Variants in DYNC1I1 observed in about 807,000 individuals in gnomAD.
DYNC1I1 encodes dynein cytoplasmic 1 intermediate chain 1.
DYNC1I1 carries 43 observed loss-of-function variants against 86.6 expected under a neutral mutation model. That is an observed-to-expected ratio of 0.50 (90% confidence interval 0.39 to 0.64). DYNC1I1 has a LOEUF of 0.64. Among genes scored for constraint, DYNC1I1 ranks in the 30% least tolerant of loss-of-function variants. The pLI is 0.00. For missense variants in DYNC1I1, 604 were observed against 788.8 expected, an observed-to-expected ratio of 0.77 and a Z score of 2.81; for synonymous variants, 262 against 283.7, an observed-to-expected ratio of 0.92 and a Z score of 0.77.
At position 95,925,358 on chromosome 7, in the gene DYNC1I1, A is replaced by G. The variant is rs1791716298; in HGVS notation, c.491-52154A>G. Among the ~76,000 whole-genome samples, 2 of 152,176 alleles carry G rather than the reference A, an allele frequency of 1.3e-5. 1 individual carries two copies. Among genetic ancestry groups the G allele is most frequent in the South Asian group, 4.1e-4 (2 of 4,834 alleles). On this transcript the variant is annotated intron_variant, in intron 6 of 16. Transcript: ENST00000447467. ...AATGGGTTGTCTGAATGTTTTTCCC[A>G]GCCCTGTTGGAAATGATTGAGGCAT...
At chr7:95,902,100 C>T (rs556048325) in intron 6 of DYNC1I1, among the ~76,000 whole-genome samples, 67 of 152,248 alleles carry the variant, frequency 4.4e-4, no homozygotes, top group African/African-American at 1.5e-3. Context: ...TATTTAAGGG[C>T]GGCTCTAAAG....
chr7:96,063,525 T>C (rs1235321189), intron 14 of DYNC1I1, among the ~76,000 whole-genome samples: 1 of 152,196 alleles, frequency 6.6e-6, no homozygotes, highest in South Asian at 2.1e-4. Context: ...TGGTTTCCTC[T>C]GAAGCCTCTC....
chr7:96,030,818 C>T (rs532658774), intron 11 of DYNC1I1, among the ~76,000 whole-genome samples: 23 of 152,198 alleles, frequency 1.5e-4, no homozygotes, highest in African/African-American at 5.3e-4. Flanking sequence ...CTTGATAATA[C>T]ACTGCCTGGG....
intron 6 of DYNC1I1, among the ~76,000 whole-genome samples, chr7:95,932,563 G>A (rs1195955685): frequency 6.6e-6 from 1 of 152,210 alleles, no homozygotes; most frequent in Non-Finnish European, 1.5e-5. Flanking sequence ...GACCCCGCCT[G>A]AGAAAATGTC....
At position 95,946,425 on chromosome 7, in the gene DYNC1I1, T is replaced by C. The variant is rs370076883; in HGVS notation, c.491-31087T>C. Reference sequence around the variant, plus strand: ...GGAAAAGCACATAAGCATGATGATATGAGGTGCTGAAGTAAACATGTAGAT... The same window carrying C: ...GGAAAAGCACATAAGCATGATGATACGAGGTGCTGAAGTAAACATGTAGAT... On this transcript the variant is annotated intron_variant, in intron 6 of 16. Transcript: ENST00000447467. 9.5e-4 allele frequency among the ~76,000 whole-genome samples: 145 copies of C among 152,330 alleles called. 1 individual carries two copies. The highest frequency in any genetic ancestry group is 3.4e-3 in the African/African-American group (142 of 41,572).
intron 7 of DYNC1I1, among the ~76,000 whole-genome samples, chr7:95,983,972 T>C (rs1793519739): frequency 6.6e-6 from 1 of 152,192 alleles, no homozygotes; most frequent in South Asian, 2.1e-4. Context: ...TTTTTTGGTC[T>C]GGGGAGTTCC....
chr7:96,070,580 A>G (rs144267757), intron 14 of DYNC1I1, among the ~76,000 whole-genome samples: 5 of 152,314 alleles, frequency 3.3e-5, no homozygotes, highest in Non-Finnish European at 4.4e-5. Flanking sequence ...TTTATAACTT[A>G]GAAATTTTAC....
rs573829656 is a variant in DYNC1I1, at chr7:95,983,347, T to A, written c.581-1468T>A. On this transcript the variant is annotated intron_variant, in intron 7 of 16. Transcript: ENST00000447467. The stretch of plus-strand genomic sequence containing the variant: ...CTGCTAGAAACTATGAGGTGGGGTG[T>A]GTTAGGAGAAATTCTTCTGCTATAA... 1.1e-4 allele frequency among the ~76,000 whole-genome samples: 16 copies of A among 152,290 alleles called. No homozygotes were observed. In the South Asian group the frequency reaches 2.5e-3, roughly 24 times the overall value.
At chr7:96,025,932 A>G (rs1234018234) in intron 10 of DYNC1I1, among the ~76,000 whole-genome samples, 2 of 152,060 alleles carry the variant, frequency 1.3e-5, no homozygotes, top group Non-Finnish European at 2.9e-5. Flanking sequence ...ACATTCCTTT[A>G]TCCATATCGA....
intron 16 of DYNC1I1, 88 bp from the exon 17 acceptor site, chr7:96,097,395 G>A (rs1197649371): frequency 2.1e-6 from 3 of 1,432,488 alleles, no homozygotes; most frequent in Admixed American, 1.8e-5. Context: ...TGGAGGGTGT[G>A]GGGGCAAAGG....
At chr7:95,985,518 A>G (rs1273887495) in intron 8 of DYNC1I1, among the ~76,000 whole-genome samples, 1 of 152,182 alleles carries the variant, frequency 6.6e-6, no homozygotes, top group Non-Finnish European at 1.5e-5. Context: ...TAATCAATAA[A>G]AGCAAGTGTC....
At chr7:96,109,263 G>A (rs1488816823) in intron 16 of DYNC1I1, among the ~76,000 whole-genome samples, 1 of 151,104 alleles carries the variant, frequency 6.6e-6, no homozygotes, top group Non-Finnish European at 1.5e-5. Flanking sequence ...TACACAATGT[G>A]CAGGTTTGTT....
At chr7:95,952,956 CAAG>C (rs1445184949) in intron 6 of DYNC1I1, among the ~76,000 whole-genome samples, 1 of 151,684 alleles carries the variant, frequency 6.6e-6, no homozygotes, top group Admixed American at 6.6e-5. Context: ...CACTAGATCT[CAAG>C]AGTCCAGGGG....
Position 95,995,959 on chromosome 7 carries a change from G to A in DYNC1I1, c.855G>A (p.Leu285=), listed in dbSNP as rs371792280. ...CMDWSLQYPE[L]MVASYNNNED... is the part of the protein sequence containing the mutation. ...CCTCTTCCATTTAGTACCCTGAGCT[G>A]ATGGTGGCTTCTTACAACAACAATG... The change falls in exon 10 of 17, where the codon CTG becomes CTA. Residue 285 remains leucine, a synonymous_variant. Coordinates refer to ENST00000447467, the MANE Select transcript of DYNC1I1 (RefSeq NM_001135556.2). 16 of 1,605,030 alleles carry A rather than the reference G, an allele frequency of 1.0e-5. No individual in the cohort carries two copies. The African/African-American group carries it at 1.6e-4, about 16-fold the overall frequency.
At chr7:95,779,747 T>C (rs2115639514) in intron 1 of DYNC1I1, among the ~76,000 whole-genome samples, 1 of 152,352 alleles carries the variant, frequency 6.6e-6, no homozygotes, top group South Asian at 2.1e-4. Flanking sequence ...TACTTAATTT[T>C]CCTTTTCTTA....
intron 6 of DYNC1I1, among the ~76,000 whole-genome samples, chr7:95,913,337 A>T (rs1282805603): frequency 6.6e-6 from 1 of 152,212 alleles, no homozygotes; most frequent in Non-Finnish European, 1.5e-5. Flanking sequence ...CACACATATG[A>T]AAGAGAGCTG....
At chr7:95,811,799 T>C (rs10435260) in intron 3 of DYNC1I1, among the ~76,000 whole-genome samples, 29,483 of 152,040 alleles carry the variant, frequency 0.19, 3,257 homozygotes, top group East Asian at 0.31. Flanking sequence ...TTCTACTTAG[T>C]TGACATCTGA....
At chr7:95,935,270 C>T (rs922326237) in intron 6 of DYNC1I1, among the ~76,000 whole-genome samples, 2 of 151,918 alleles carry the variant, frequency 1.3e-5, no homozygotes, top group African/African-American at 4.8e-5. Context: ...GCATAAGATC[C>T]CCAACATTCA....
intron 14 of DYNC1I1, 113 bp downstream of exon 14, chr7:96,039,534 A>T: frequency 3.8e-6 from 5 of 1,325,894 alleles, no homozygotes; most frequent in Non-Finnish European, 5.3e-6. Context: ...GGCATTGGGA[A>T]TTCATATACC....
Sources: gnomAD v4.1 joint callset for allele counts (sites outside exome capture counted in the v4.1 genomes callset) on GRCh38, gnomAD v4.1.1 for gene constraint, MANE v1.5 for transcripts, NCBI Gene and HGNC (gene_info 2026-07-23, HGNC 2026-07-21) for gene names.